Variants in MPHOSPH8 observed in about 807,000 individuals in gnomAD.
The protein encoded by MPHOSPH8 is M-phase phosphoprotein 8.
A neutral mutation model predicts 87.3 loss-of-function variants in MPHOSPH8; 45 were observed. The observed-to-expected ratio is 0.52, with a 90% CI of 0.41 to 0.66. MPHOSPH8 has a LOEUF of 0.66. Among genes scored for constraint, MPHOSPH8 ranks in the 30% least tolerant of loss-of-function variants. The probability of loss-of-function intolerance (pLI) is 0.00; values close to 1 mark genes in which losing one functional copy is unlikely to be tolerated. For synonymous variants in MPHOSPH8, 366 were observed against 376.9 expected (o/e 0.97, Z 0.33); for missense variants, 883 against 1,020.2 (o/e 0.87, Z 1.83).
intron 1 of MPHOSPH8, 150 bp downstream of exon 1, chr13:19,634,111 C>G (rs1873863749): frequency 3.5e-6 from 3 of 851,890 alleles, no homozygotes. Context: ...GTGGGAAAAG[C>G]GAAGTGACAT....
chr13:19,635,391 G>C (rs1262491901), intron 1 of MPHOSPH8, among the ~76,000 whole-genome samples: 1 of 152,176 alleles, frequency 6.6e-6, no homozygotes, highest in Non-Finnish European at 1.5e-5. Context: ...AGCTGGGCGA[G>C]GTAGCGGGCG....
Position 19,659,524 on chromosome 13 carries a change from C to T in MPHOSPH8, c.1791+235C>T, listed in dbSNP as rs1670503590. ...ACAAAAAATACAAAAATTAGCTGGA[C>T]ATGGTGGTGTACACCTTTGGTCCCA... On this transcript the variant is annotated intron_variant, in intron 7 of 13. Transcript: ENST00000361479. The T allele has an allele frequency of 6.6e-6, 3 of 452,816 alleles. No individual in the cohort carries two copies. In the Admixed American group the frequency reaches 1.0e-4, roughly 16 times the overall value. The allele number at this position is 452,816 out of a possible 1,614,324, so 28.0% of individuals were successfully genotyped here. A position where few individuals can be genotyped will look rare whatever the true frequency, so the allele number is the denominator to read the frequency against.
At chr13:19,664,728 G>A (rs76610121) in intron 9 of MPHOSPH8, among the ~76,000 whole-genome samples, 4,853 of 152,176 alleles carry the variant, frequency 0.032, 101 homozygotes, top group South Asian at 0.051. Flanking sequence ...TCCTAAGTTG[G>A]GGCACGGCTG....
At position 19,659,300 on chromosome 13, in the gene MPHOSPH8, G is replaced by A. The variant is rs377046757; in HGVS notation, c.1791+11G>A. The A allele has an allele frequency of 5.2e-5, 82 of 1,567,314 alleles. No homozygotes were observed. The highest frequency in any genetic ancestry group is 4.3e-4 in the African/African-American group (31 of 72,902). On this transcript the variant is annotated intron_variant, in intron 7 of 13. Transcript: ENST00000361479. ...AACCTGGACCAAGAGGTAATATGTC[G>A]TTGAAAAATCTCATGAAAGGAAAAT...
intron 1 of MPHOSPH8, among the ~76,000 whole-genome samples, chr13:19,641,587 G>A (rs532818782): frequency 6.7e-6 from 1 of 150,244 alleles, no homozygotes; most frequent in Non-Finnish European, 1.5e-5. Context: ...CTGCCTTCTG[G>A]GTTCAAGCGA....
intron 5 of MPHOSPH8, 157 bp downstream of exon 5, chr13:19,650,417 G>T: frequency 2.4e-6 from 2 of 829,798 alleles, no homozygotes; most frequent in Non-Finnish European, 1.8e-6. Flanking sequence ...ATTGAAGACG[G>T]GTCATTCTGT....
chr13:19,668,454 T>C lies in MPHOSPH8; in HGVS notation c.2252T>C (p.Ile751Thr). 1 of 1,614,102 alleles carries C rather than the reference T, an allele frequency of 6.2e-7. No homozygotes were observed. The highest frequency in any genetic ancestry group is 8.5e-7 in the Non-Finnish European group (1 of 1,179,954). Reference sequence around the variant, plus strand: ...GCTCTGCTAGAACCAGTTTTTCCAATCGCATGTCATCGACTCTGTGAGGGT... The same window carrying C: ...GCTCTGCTAGAACCAGTTTTTCCAACCGCATGTCATCGACTCTGTGAGGGT... ...RLALLEPVFP[I>T]ACHRLCEGPD... Residue 751 changes from isoleucine to threonine, a missense_variant, in exon 11 of 14, where the codon ATC becomes ACC. Around this residue, in one of 3 missense-constraint regions of MPHOSPH8, gnomAD observed 741 missense variants for 841.5 expected, o/e 0.88. Coordinates refer to ENST00000361479, the MANE Select transcript of MPHOSPH8 (RefSeq NM_017520.4).
chr13:19,665,974 T>G (rs1565943426), intron 9 of MPHOSPH8, among the ~76,000 whole-genome samples: 1 of 152,098 alleles, frequency 6.6e-6, no homozygotes, highest in Non-Finnish European at 1.5e-5. Context: ...GAGGTGTTTT[T>G]GAGATTCCTG....
intron 9 of MPHOSPH8, 123 bp from the exon 10 acceptor site, chr13:19,666,302 C>G: frequency 9.5e-7 from 1 of 1,055,322 alleles, no homozygotes; most frequent in Non-Finnish European, 1.3e-6. Context: ...CAAAAGTTCT[C>G]TATCCTTCTT....
At chr13:19,646,417 AT>A in intron 2 of MPHOSPH8, 25 bp from the exon 3 acceptor site, 3 of 1,386,432 alleles carry the variant, frequency 2.2e-6, no homozygotes, top group Non-Finnish European at 2.8e-6. Context: ...GTTAATGAAT[AT>A]TTTAATCTGT....
At chr13:19,671,064 T>C in intron 12 of MPHOSPH8, 142 bp from the exon 13 acceptor site, 9 of 1,447,362 alleles carry the variant, frequency 6.2e-6, no homozygotes, top group Non-Finnish European at 8.1e-6. Context: ...CAAGCGATTG[T>C]CCGCCTTGGC....
At chr13:19,661,976 C>G (rs1875560155) in intron 8 of MPHOSPH8, 138 bp downstream of exon 8, 2 of 1,166,414 alleles carry the variant, frequency 1.7e-6, no homozygotes, top group African/African-American at 1.6e-5. Flanking sequence ...GAGTCTCGCT[C>G]TGTCGCCGAG....
chr13:19,671,178 T>C (rs1876107143), intron 12 of MPHOSPH8, 28 bp from the exon 13 acceptor site: 2 of 1,608,036 alleles, frequency 1.2e-6, no homozygotes, highest in Non-Finnish European at 1.7e-6. Context: ...TTGAAAACAC[T>C]GACTTTTTTT....
intron 4 of MPHOSPH8, among the ~76,000 whole-genome samples, chr13:19,649,096 G>C (rs1313751277): frequency 6.6e-6 from 1 of 152,192 alleles, no homozygotes; most frequent in Non-Finnish European, 1.5e-5. Flanking sequence ...GCCTAGGCTG[G>C]TTTTGGCAGT....
intron 5 of MPHOSPH8, among the ~76,000 whole-genome samples, chr13:19,658,162 T>C (rs2137530259): frequency 6.6e-6 from 1 of 152,322 alleles, no homozygotes; most frequent in Admixed American, 6.5e-5. Flanking sequence ...TTAGTTTGAG[T>C]TGAGGGCTTT....
At chr13:19,669,577 C>T (rs9579629) in intron 11 of MPHOSPH8, among the ~76,000 whole-genome samples, 12,204 of 147,762 alleles carry the variant, frequency 0.083, 528 homozygotes, top group Middle Eastern at 0.13. Context: ...GGTGCGATCT[C>T]GGCTCACTGC....
intron 1 of MPHOSPH8, among the ~76,000 whole-genome samples, chr13:19,636,207 C>T (rs904538342): frequency 1.3e-5 from 2 of 152,216 alleles, no homozygotes; most frequent in Non-Finnish European, 2.9e-5. Context: ...AGTGAACCAG[C>T]CGGTTGGTTA....
intron 8 of MPHOSPH8, 107 bp downstream of exon 8, chr13:19,661,945 CTTTTT>C: frequency 1.3e-5 from 13 of 1,037,188 alleles, no homozygotes; most frequent in East Asian, 3.3e-5. Flanking sequence ...GGTCACATCG[CTTTTT>C]TTTTTTTTTT....
chr13:19,660,330 TGA>T (rs1389869446), intron 7 of MPHOSPH8, among the ~76,000 whole-genome samples: 1 of 152,112 alleles, frequency 6.6e-6, no homozygotes, highest in Non-Finnish European at 1.5e-5. Context: ...GGTTTGTGTT[TGA>T]GTCTTGTATT....
Sources: gnomAD v4.1 joint callset for allele counts (sites outside exome capture counted in the v4.1 genomes callset) on GRCh38, gnomAD v4.1.1 for gene constraint, gnomAD v4.1.1 regional missense constraint, MANE v1.5 for transcripts, NCBI Gene and HGNC (gene_info 2026-07-23, HGNC 2026-07-21) for gene names.